The following METAP1 variants were observed in gnomAD, a reference collection of about 807,000 sequenced individuals.
The protein encoded by METAP1 is methionyl aminopeptidase 1.
In METAP1, 28 loss-of-function variants were observed where a neutral mutation model predicts 53.8. That is an observed-to-expected ratio of 0.52 (90% confidence interval 0.39 to 0.71). The LOEUF (loss-of-function observed/expected upper bound fraction) is 0.71, where lower values mean the gene tolerates loss of function less well. Ranked by LOEUF, METAP1 falls within the 30% of genes least tolerant of loss-of-function variation. The pLI is 0.00. For missense variants in METAP1, 389 were observed against 479.8 expected (o/e 0.81, Z 1.77); for synonymous variants, 181 against 165.7 (o/e 1.09, Z -0.71).
intron 1 of METAP1, chr4:99,022,834 G>A: frequency 6.3e-7 from 1 of 1,577,518 alleles, no homozygotes; most frequent in South Asian, 1.1e-5. Flanking sequence ...CCTTGCTGTG[G>A]TACTGCTTTT....
intron 10 of METAP1, among the ~76,000 whole-genome samples, chr4:99,060,929 A>C (rs1418647773): frequency 6.6e-6 from 1 of 152,222 alleles, no homozygotes; most frequent in Admixed American, 6.5e-5. Context: ...TGGAAATTCC[A>C]TCTTGATTTG....
In METAP1 at chr4:99,042,271, A is replaced by AT. The variant is rs764024610; in HGVS notation, c.517-964dup. 9.1e-3 allele frequency among the ~76,000 whole-genome samples: 1,330 copies of AT among 145,706 alleles called. 18 individuals are homozygous for AT. The highest frequency in any genetic ancestry group is 0.029 in the African/African-American group (1,172 of 40,346). ...CACAAATGTAGTTATTGGTTGTAAG[A>AT]TTTTTTTTTTTTTTGTAATTGAGGA... On this transcript the variant is annotated intron_variant, in intron 6 of 10. Coordinates refer to ENST00000296411, the MANE Select transcript of METAP1 (RefSeq NM_015143.3).
In METAP1 at chr4:99,035,411, G is replaced by T; in HGVS notation, c.291G>T (p.Arg97Ser). Residue 97 changes from arginine to serine, a missense_variant, in exon 4 of 11, where the codon AGG becomes AGT. By Grantham distance (110) the Arg-to-Ser change is moderately radical. Transcript: ENST00000296411. ...LRPHYPLMPT[R>S]PVPSYIQRPD... is the part of the protein sequence containing the mutation. ...AACTTTGTTTTTAGATGCCAACAAGGCCAGTGCCAAGTTATATTCAAAGAC... is the reference window on the plus strand; with the variant it reads ...AACTTTGTTTTTAGATGCCAACAAGTCCAGTGCCAAGTTATATTCAAAGAC... The T allele has an allele frequency of 6.5e-7, 1 of 1,547,538 alleles. No homozygotes were observed. The highest frequency in any genetic ancestry group is 8.7e-7 in the Non-Finnish European group (1 of 1,143,532).
intron 1 of METAP1, among the ~76,000 whole-genome samples, chr4:98,996,273 T>G (rs1479783092): frequency 2.0e-5 from 3 of 152,184 alleles, no homozygotes; most frequent in South Asian, 2.1e-4. Context: ...AGCCTCCACA[T>G]CCGCAGCACC....
At chr4:99,041,875 A>T (rs182951496) in intron 6 of METAP1, among the ~76,000 whole-genome samples, 85 of 151,830 alleles carry the variant, frequency 5.6e-4, no homozygotes, top group African/African-American at 2.0e-3. Context: ...GAAAATGTTT[A>T]TAAATTTTTT....
chr4:99,002,278 A>G (rs894415047), intron 1 of METAP1, among the ~76,000 whole-genome samples: 3 of 152,054 alleles, frequency 2.0e-5, no homozygotes, highest in African/African-American at 7.2e-5. Context: ...AATAGCAAAC[A>G]CTTTTAGATA....
In METAP1 at chr4:99,045,252, T is replaced by C. The variant is rs374937638; in HGVS notation, c.729T>C (p.Asp243=). The change falls in exon 8 of 11, where the codon GAT becomes GAC. Residue 243 remains aspartate, a synonymous_variant. Transcript: ENST00000296411. ...CATTTTTTGTTGGAGAAGTGGATGATGGAGCACGGAAACTTGTTCAGACCA... is the reference window on the plus strand; with the variant it reads ...CATTTTTTGTTGGAGAAGTGGATGACGGAGCACGGAAACTTGTTCAGACCA... ...NETFFVGEVD[D]GARKLVQTTY... 6.2e-7 allele frequency: 1 copy of C among 1,613,900 alleles called. No individual in the cohort carries two copies. Among genetic ancestry groups the C allele is most frequent in the Non-Finnish European group, 8.5e-7 (1 of 1,179,854 alleles).
chr4:99,031,834 T>C (rs565619958), intron 2 of METAP1, among the ~76,000 whole-genome samples: 90 of 152,352 alleles, frequency 5.9e-4, no homozygotes, highest in African/African-American at 2.1e-3. Context: ...TGATGAACTT[T>C]GGGCCAGACC....
At chr4:99,033,340 C>T (rs541459935) in intron 2 of METAP1, among the ~76,000 whole-genome samples, 26 of 151,564 alleles carry the variant, frequency 1.7e-4, no homozygotes, top group Non-Finnish European at 3.4e-4. Flanking sequence ...AGGAAAAGGT[C>T]TGAGTGCACT....
At chr4:99,018,947 G>A (rs557331823) in intron 1 of METAP1, among the ~76,000 whole-genome samples, 4 of 152,224 alleles carry the variant, frequency 2.6e-5, no homozygotes, top group South Asian at 2.1e-4. Context: ...CCATAAATCC[G>A]GATGAATTTT....
chr4:99,040,968 C>T, intron 5 of METAP1, 75 bp from the exon 6 acceptor site: 2 of 808,106 alleles, frequency 2.5e-6, no homozygotes, highest in Non-Finnish European at 3.7e-6. Context: ...CAATCTTCCA[C>T]AGTCAAACAG....
chr4:99,021,054 C>G (rs556580721), intron 1 of METAP1, among the ~76,000 whole-genome samples: 1 of 152,204 alleles, frequency 6.6e-6, no homozygotes, highest in Non-Finnish European at 1.5e-5. Flanking sequence ...GATATCTTGT[C>G]TGCTCAAATG....
Position 99,041,074 on chromosome 4 carries a change from G to A in METAP1, c.464G>A (p.Gly155Asp). 1 of 1,608,938 alleles carries A rather than the reference G, an allele frequency of 6.2e-7. No individual in the cohort carries two copies. Among genetic ancestry groups the A allele is most frequent in the Non-Finnish European group, 8.5e-7 (1 of 1,176,824 alleles). The change falls in exon 6 of 11, where the codon GGC becomes GAC. Residue 155 changes from glycine (G) to aspartate (D), a missense_variant. Coordinates refer to ENST00000296411, the MANE Select transcript of METAP1 (RefSeq NM_015143.3). ...AGAGAAGTTTTGGATGTTGCTGCCG[G>A]CATGATTAAACCAGGTGTAACTACT... ...LAREVLDVAA[G>D]MIKPGVTTEE... is the part of the protein sequence containing the mutation.
At chr4:99,046,932 G>GAACCAA (rs1726290546) in intron 8 of METAP1, among the ~76,000 whole-genome samples, 1 of 14,908 alleles carries the variant, frequency 6.7e-5, no homozygotes, top group African/African-American at 2.0e-4. Context: ...ATCAACTGAA[G>GAACCAA]AAACAAAAAA....
At position 99,010,327 on chromosome 4, in the gene METAP1, G is replaced by A. The variant is rs114531870; in HGVS notation, c.114+14460G>A. Among the ~76,000 whole-genome samples the A allele has an allele frequency of 3.5e-3, 527 of 152,228 alleles. 5 individuals are homozygous for A. Among genetic ancestry groups the A allele is most frequent in the African/African-American group, 0.011 (460 of 41,520 alleles). ...AAATTAGCCAGGCGTGTTGGCATGCGCCTGTAGTGCCAACTACTTGGGAGG... is the reference window on the plus strand; with the variant it reads ...AAATTAGCCAGGCGTGTTGGCATGCACCTGTAGTGCCAACTACTTGGGAGG... On this transcript the variant is annotated intron_variant, in intron 1 of 10. Coordinates refer to ENST00000296411, the MANE Select transcript of METAP1 (RefSeq NM_015143.3).
chr4:99,039,352 A>G (rs1288402342), intron 4 of METAP1, 22 bp from the exon 5 acceptor site: 21 of 1,516,228 alleles, frequency 1.4e-5, no homozygotes, highest in Middle Eastern at 1.7e-4. Flanking sequence ...TTTTGGTTTT[A>G]CTTACCGAAT....
Position 99,030,769 on chromosome 4 carries a change from G to T in METAP1, c.166+1851G>T, listed in dbSNP as rs553551592. Among the ~76,000 whole-genome samples, 9 of 139,490 alleles carry T rather than the reference G, an allele frequency of 6.5e-5. 1 individual carries two copies. The South Asian group carries it at 2.1e-3, about 33-fold the overall frequency. The allele number at this position is 139,490 out of a possible 152,430, so 91.5% of individuals were successfully genotyped here. On this transcript the variant is annotated intron_variant, in intron 2 of 10. Transcript: ENST00000296411. ...AGCAAGCATTTCTTGTCATGGAGAC[G>T]ATATAGTTAGGTTTTTTTTTTTTTT...
intron 9 of METAP1, among the ~76,000 whole-genome samples, chr4:99,055,410 AAAAG>A (rs1252970418): frequency 2.6e-5 from 4 of 151,940 alleles, no homozygotes; most frequent in Non-Finnish European, 5.9e-5. Flanking sequence ...AAAAAAAGAG[AAAAG>A]AAAGAAGGAA....
At chr4:99,049,114 G>C (rs555621428) in intron 9 of METAP1, among the ~76,000 whole-genome samples, 2 of 152,298 alleles carry the variant, frequency 1.3e-5, no homozygotes, top group African/African-American at 4.8e-5. Context: ...TGTGACACAG[G>C]CTGTGTCATC....
Sources: gnomAD v4.1 joint callset for allele counts (sites outside exome capture counted in the v4.1 genomes callset) on GRCh38, gnomAD v4.1.1 for gene constraint, MANE v1.5 for transcripts, NCBI Gene and HGNC (gene_info 2026-07-23, HGNC 2026-07-21) for gene names.